The following DLG2 variants were observed in gnomAD, a reference collection of about 807,000 sequenced individuals.
The protein encoded by DLG2 is disks large homolog 2.
Under a neutral mutation model 132.5 loss-of-function variants are expected in DLG2, and 45 were observed. The observed-to-expected ratio is 0.34, with a 90% CI of 0.27 to 0.44. The LOEUF (loss-of-function observed/expected upper bound fraction) is 0.44, where lower values mean the gene tolerates loss of function less well. Among genes scored for constraint, DLG2 ranks in the 20% least tolerant of loss-of-function variants. The pLI, the probability that DLG2 is intolerant of heterozygous loss-of-function variation, is 1.00. For missense variants in DLG2, 1,045 were observed against 1,196.9 expected, an observed-to-expected ratio of 0.87 and a Z score of 1.87; for synonymous variants, 424 against 419.6, an observed-to-expected ratio of 1.01 and a Z score of -0.13.
At chr11:84,870,076 T>C (rs144563276) in intron 6 of DLG2, among the ~76,000 whole-genome samples, 94 of 152,308 alleles carry the variant, frequency 6.2e-4, no homozygotes, top group African/African-American at 2.2e-3. Context: ...ATACACTAAA[T>C]AGAGCAGGTT....
At chr11:84,917,403 A>G (rs1185173366) in intron 6 of DLG2, among the ~76,000 whole-genome samples, 1 of 152,224 alleles carries the variant, frequency 6.6e-6, no homozygotes, top group Admixed American at 6.5e-5. Context: ...TGTAGTTTTC[A>G]TATCTATATT....
intron 18 of DLG2, among the ~76,000 whole-genome samples, chr11:83,759,282 G>C (rs1021228605): frequency 5.9e-5 from 9 of 152,178 alleles, no homozygotes; most frequent in Admixed American, 2.0e-4. Flanking sequence ...CAAAATAAGA[G>C]GTGAGACAGG....
chr11:84,613,150 T>TA (rs1252714597), intron 6 of DLG2, among the ~76,000 whole-genome samples: 3 of 152,104 alleles, frequency 2.0e-5, no homozygotes. Context: ...CTAGCAACAC[T>TA]ATCAGGACAA....
At chr11:83,638,308 G>A (rs1477947962) in intron 18 of DLG2, among the ~76,000 whole-genome samples, 1 of 152,122 alleles carries the variant, frequency 6.6e-6, no homozygotes, top group East Asian at 1.9e-4. Context: ...CAAGATTTGG[G>A]TTATGTAGAT....
chr11:85,175,388 CA>C (rs991304387), intron 4 of DLG2, among the ~76,000 whole-genome samples: 2 of 151,880 alleles, frequency 1.3e-5, no homozygotes, highest in Non-Finnish European at 2.9e-5. Context: ...CAATAGACAC[CA>C]AAAAAGTCTT....
chr11:83,546,310 G>A (rs983391874), intron 19 of DLG2, among the ~76,000 whole-genome samples: 2 of 152,070 alleles, frequency 1.3e-5, no homozygotes, highest in African/African-American at 4.8e-5. Flanking sequence ...TGGGTTATAT[G>A]CCAGGCTTCC....
intron 11 of DLG2, among the ~76,000 whole-genome samples, chr11:83,984,352 T>C (rs1270551969): frequency 6.6e-6 from 1 of 152,124 alleles, no homozygotes; most frequent in Non-Finnish European, 1.5e-5. Context: ...AGCCAGAGCA[T>C]GTTTCTGAAT....
chr11:84,386,354 T>G (rs1186908664), intron 7 of DLG2, among the ~76,000 whole-genome samples: 1 of 152,122 alleles, frequency 6.6e-6, no homozygotes, highest in Non-Finnish European at 1.5e-5. Context: ...TGTTTGATAT[T>G]TATAATATTA....
chr11:85,405,522 T>TA (rs575837870), intron 3 of DLG2, among the ~76,000 whole-genome samples: 122 of 152,102 alleles, frequency 8.0e-4, no homozygotes, highest in African/African-American at 2.8e-3. Flanking sequence ...TGTGTATATT[T>TA]AAAAACAGTT....
chr11:85,112,526 T>TGTATTCTCA (rs1226475713), intron 5 of DLG2, among the ~76,000 whole-genome samples: 1 of 152,058 alleles, frequency 6.6e-6, no homozygotes, highest in African/African-American at 2.4e-5. Context: ...TTTTTTTCAT[T>TGTATTCTCA]GTATTCTCAG....
At chr11:85,586,651 A>G (rs2078991670) in intron 3 of DLG2, among the ~76,000 whole-genome samples, 1 of 152,026 alleles carries the variant, frequency 6.6e-6, no homozygotes, top group Admixed American at 6.6e-5. Context: ...TCAAATAACC[A>G]GGTTTTGTTT....
intron 11 of DLG2, among the ~76,000 whole-genome samples, chr11:84,027,391 T>C (rs2095564596): frequency 6.6e-6 from 1 of 152,106 alleles, no homozygotes; most frequent in Non-Finnish European, 1.5e-5. Context: ...TCTTAATTGA[T>C]AGTGAAGACA....
chr11:83,850,154 GTGTGTGT>G lies in DLG2; in HGVS notation c.1566-16391_1566-16385del, dbSNP rs1256039275. On this transcript the variant is annotated intron_variant, in intron 16 of 27. Coordinates refer to ENST00000376104, the MANE Select transcript of DLG2 (RefSeq NM_001142699.3). ...TGTGTGTGTGTGTGTGTGTGTGTGT[GTGTGTGT>G]TTTTTTACTTGAGACGGAGTCTCAC... 8.4e-3 allele frequency among the ~76,000 whole-genome samples: 1,106 copies of G among 131,342 alleles called. 25 individuals are homozygous for G. The highest frequency in any genetic ancestry group is 0.037 in the African/African-American group (1,040 of 28,140). The allele number at this position is 131,342 out of a possible 152,430, so 86.2% of individuals were successfully genotyped here. A position where few individuals can be genotyped will look rare whatever the true frequency, so the allele number is the denominator to read the frequency against.
At chr11:83,812,981 C>T (rs1161511767) in intron 17 of DLG2, among the ~76,000 whole-genome samples, 2 of 152,296 alleles carry the variant, frequency 1.3e-5, no homozygotes, top group Non-Finnish European at 2.9e-5. Context: ...GGACCACTTG[C>T]TTTGTGTCAG....
rs71463182 is a variant in DLG2, at chr11:83,742,210, A to ACCACACACACACAC, written c.1825+44479_1825+44480insGTGTGTGTGTGTGG. Among the ~76,000 whole-genome samples, 193 of 147,106 alleles carry ACCACACACACACAC rather than the reference A, an allele frequency of 1.3e-3. 3 individuals carry two copies. Among genetic ancestry groups the ACCACACACACACAC allele is most frequent in the African/African-American group, 4.7e-3 (187 of 39,986 alleles). On this transcript the variant is annotated intron_variant, in intron 18 of 27. Coordinates refer to ENST00000376104, the MANE Select transcript of DLG2 (RefSeq NM_001142699.3). ...AGAGAGTAAATTTTACCACACTTTT[A>ACCACACACACACAC]ACACACACACACACACACACACACA...
chr11:85,470,204 T>A (rs1597631272), intron 3 of DLG2, among the ~76,000 whole-genome samples: 3 of 146,538 alleles, frequency 2.0e-5, no homozygotes, highest in Admixed American at 1.4e-4. Context: ...ACCAAATTAA[T>A]CTACTTGGTT....
At chr11:84,485,466 G>A (rs2099148334) in intron 7 of DLG2, among the ~76,000 whole-genome samples, 1 of 152,070 alleles carries the variant, frequency 6.6e-6, no homozygotes, top group Non-Finnish European at 1.5e-5. Flanking sequence ...TGACTCTGTG[G>A]TCATTGAACT....
intron 18 of DLG2, among the ~76,000 whole-genome samples, chr11:83,680,612 T>C (rs2078615484): frequency 6.6e-6 from 1 of 152,174 alleles, no homozygotes. Flanking sequence ...CACCCCTAAG[T>C]GCCAACCACA....
chr11:84,985,309 T>C (rs954336853), intron 6 of DLG2, among the ~76,000 whole-genome samples: 7 of 152,036 alleles, frequency 4.6e-5, no homozygotes, highest in African/African-American at 1.4e-4. Flanking sequence ...AAACTGGAAA[T>C]TAACTACCAA....
Sources: gnomAD v4.1 joint callset for allele counts (sites outside exome capture counted in the v4.1 genomes callset) on GRCh38, gnomAD v4.1.1 for gene constraint, MANE v1.5 for transcripts, NCBI Gene and HGNC (gene_info 2026-07-23, HGNC 2026-07-21) for gene names.